The following LRRK2 variants were observed in gnomAD, a reference collection of about 807,000 sequenced individuals.
The protein encoded by LRRK2 is leucine rich repeat kinase 2.
In LRRK2, 203 loss-of-function variants were observed where a neutral mutation model predicts 302.6. That is an observed-to-expected ratio of 0.67 (90% CI 0.60 to 0.75). The LOEUF is 0.75. Ranked by LOEUF, LRRK2 falls within the 30% of genes least tolerant of loss-of-function variation. The probability of loss-of-function intolerance (pLI) is 0.00; values close to 1 mark genes in which losing one functional copy is unlikely to be tolerated. For missense variants in LRRK2, 2,830 were observed against 2,951.0 expected, an observed-to-expected ratio of 0.96 and a Z score of 0.95; for synonymous variants, 1,066 against 1,031.9, an observed-to-expected ratio of 1.03 and a Z score of -0.63.
chr12:40,354,564 A>T lies in LRRK2; in HGVS notation c.6770+72A>T, dbSNP rs1397266228. On this transcript the variant is annotated intron_variant, in intron 45 of 50. Transcript: ENST00000298910. The stretch of plus-strand genomic sequence containing the variant: ...CGACTGAATTGTGTGCATAATTGTT[A>T]TTGCATCAGCAAAGATTGTTCATTT... 6 of 1,316,202 alleles carry T rather than the reference A, an allele frequency of 4.6e-6. No individual in the cohort carries two copies. In the Admixed American group the frequency reaches 5.2e-5, roughly 11 times the overall value. The allele number at this position is 1,316,202 out of a possible 1,614,324, so 81.5% of individuals were successfully genotyped here. A position where few individuals can be genotyped will look rare whatever the true frequency, so the allele number is the denominator to read the frequency against.
intron 13 of LRRK2, among the ~76,000 whole-genome samples, chr12:40,261,735 A>C (rs1278029777): frequency 6.6e-6 from 1 of 152,134 alleles, no homozygotes; most frequent in Non-Finnish European, 1.5e-5. Flanking sequence ...GGTTCTTATG[A>C]GATACCTAGG....
At chr12:40,286,010 T>G (rs562392245) in intron 19 of LRRK2, among the ~76,000 whole-genome samples, 1 of 152,162 alleles carries the variant, frequency 6.6e-6, no homozygotes, top group South Asian at 2.1e-4. Context: ...GCCAAAAACC[T>G]GCTTACTTTA....
chr12:40,349,882 A>G (rs964920546), intron 43 of LRRK2, among the ~76,000 whole-genome samples: 1 of 152,194 alleles, frequency 6.6e-6, no homozygotes, highest in Non-Finnish European at 1.5e-5. Flanking sequence ...AAAGTTTTGT[A>G]ATGCTACATA....
Position 40,359,398 on chromosome 12 carries a change from A to G in LRRK2, c.6982A>G (p.Asn2328Asp), listed in dbSNP as rs1946636936. ...GCGTKIFSFSNDFTIQKLIET... is the reference protein window; with the variant it reads ...GCGTKIFSFSDDFTIQKLIET... Reference sequence around the variant, plus strand: ...TGGCACAAAGATTTTCTCCTTTTCTAATGATTTCACCATTCAGAAACTCAT... The same window carrying G: ...TGGCACAAAGATTTTCTCCTTTTCTGATGATTTCACCATTCAGAAACTCAT... The change falls in exon 47 of 51, where the codon AAT becomes GAT. Residue 2328 changes from asparagine (N) to aspartate (D), a missense_variant. By Grantham distance (23) the Asn-to-Asp change is conservative (BLOSUM62 1). Transcript: ENST00000298910. 1.2e-6 allele frequency: 2 copies of G among 1,613,294 alleles called. No individual in the cohort carries two copies. The highest frequency in any genetic ancestry group is 1.7e-6 in the Non-Finnish European group (2 of 1,179,602).
chr12:40,297,026 A>G (rs748224896), intron 23 of LRRK2, among the ~76,000 whole-genome samples: 1 of 151,938 alleles, frequency 6.6e-6, no homozygotes, highest in Admixed American at 6.6e-5. Context: ...CGGTCATCCA[A>G]TTTGATTTAA....
At chr12:40,231,587 A>G (rs1227165842) in intron 2 of LRRK2, among the ~76,000 whole-genome samples, 1 of 148,244 alleles carries the variant, frequency 6.7e-6, no homozygotes, top group Non-Finnish European at 1.5e-5. Context: ...AAAAAAAAAA[A>G]AAAAACAAGA....
chr12:40,268,443 C>T (rs1192229325), intron 14 of LRRK2, among the ~76,000 whole-genome samples: 3 of 152,002 alleles, frequency 2.0e-5, no homozygotes, highest in Non-Finnish European at 4.4e-5. Context: ...CAACAAATTA[C>T]ATATAAGTAA....
At chr12:40,243,019 A>G (rs1264676941) in intron 6 of LRRK2, among the ~76,000 whole-genome samples, 1 of 151,356 alleles carries the variant, frequency 6.6e-6, no homozygotes, top group East Asian at 1.9e-4. Context: ...TATTGTCCCT[A>G]TTTTACCAAC....
At chr12:40,355,059 A>G (rs1946484754) in intron 45 of LRRK2, among the ~76,000 whole-genome samples, 1 of 152,134 alleles carries the variant, frequency 6.6e-6, no homozygotes, top group South Asian at 2.1e-4. Flanking sequence ...TGACTGTAAT[A>G]TTTGGGGCAG....
intron 14 of LRRK2, among the ~76,000 whole-genome samples, chr12:40,265,482 T>C (rs1270818921): frequency 1.3e-5 from 2 of 152,312 alleles, no homozygotes; most frequent in African/African-American, 4.8e-5. Flanking sequence ...ACAGCGTAAA[T>C]TGGCACTAGG....
chr12:40,326,186 C>A (rs1945542105), intron 38 of LRRK2, among the ~76,000 whole-genome samples: 1 of 152,100 alleles, frequency 6.6e-6, no homozygotes, highest in African/African-American at 2.4e-5. Context: ...AAATCTCTGC[C>A]GGGCGCAGTG....
chr12:40,327,890 A>T lies in LRRK2; in HGVS notation c.5657-470A>T, dbSNP rs1263629724. Among the ~76,000 whole-genome samples, 4 of 152,208 alleles carry T rather than the reference A, an allele frequency of 2.6e-5. 1 individual carries two copies. The South Asian group carries it at 8.3e-4, about 31-fold the overall frequency. ...CAATTTTAACTCCAGAAGGGCCTCA[A>T]AAAGACTTTTTGTCTTGTTATCATC... On this transcript the variant is annotated intron_variant, in intron 38 of 50. Coordinates refer to ENST00000298910, the MANE Select transcript of LRRK2 (RefSeq NM_198578.4).
chr12:40,308,975 A>G (rs1944934697), intron 29 of LRRK2, 131 bp from the exon 30 acceptor site: 2 of 1,084,338 alleles, frequency 1.8e-6, no homozygotes, highest in South Asian at 3.0e-5. Context: ...TTCTCTAAAC[A>G]TGGTCTGTTG....
intron 38 of LRRK2, among the ~76,000 whole-genome samples, 163 bp from the exon 39 acceptor site, chr12:40,328,197 A>C (rs918570665): frequency 2.0e-5 from 3 of 152,330 alleles, no homozygotes; most frequent in African/African-American, 7.2e-5. Context: ...TCTTTCTTGG[A>C]GTAGAAGGAA....
chr12:40,328,375 G>C lies in LRRK2; in HGVS notation c.5672G>C (p.Gly1891Ala). The part of the protein sequence containing the change: ...PEFLLGDGSF[G>A]SVYRAAYEGE... ...TTTTCAAAAGGTGATGGCAGTTTTG[G>C]ATCAGTTTACCGAGCAGCCTATGAA... Residue 1891 changes from glycine to alanine, a missense_variant, in exon 39 of 51, where the codon GGA becomes GCA. Transcript: ENST00000298910. 1 of 1,613,638 alleles carries C rather than the reference G, an allele frequency of 6.2e-7. No homozygotes were observed. Among genetic ancestry groups the C allele is most frequent in the Non-Finnish European group, 8.5e-7 (1 of 1,179,748 alleles).
rs751140391 is a variant in LRRK2 at position 40,225,331 on chromosome 12, C to G, written c.151+49C>G. 3.1e-6 allele frequency: 5 copies of G among 1,602,182 alleles called. No individual in the cohort carries two copies. In the African/African-American group the frequency reaches 6.7e-5, roughly 22 times the overall value. On this transcript the variant is annotated intron_variant, in intron 1 of 50. Transcript: ENST00000298910. ...GCTTTTATTTTTGCAAACTTTCTCCCCCTCCTTACATTTGCAAATTTTGTC... is the reference window on the plus strand; with the variant it reads ...GCTTTTATTTTTGCAAACTTTCTCCGCCTCCTTACATTTGCAAATTTTGTC...
At chr12:40,244,046 C>A (rs1478906967) in intron 7 of LRRK2, among the ~76,000 whole-genome samples, 1 of 151,864 alleles carries the variant, frequency 6.6e-6, no homozygotes, top group Non-Finnish European at 1.5e-5. Flanking sequence ...ATAACATATA[C>A]AATATAAAGC....
chr12:40,303,819 C>A lies in LRRK2; in HGVS notation c.3591-129C>A, dbSNP rs72547974. The A allele has an allele frequency of 2.8e-4, 242 of 861,292 alleles. No homozygotes were observed. The Middle Eastern group carries it at 4.8e-3, about 17-fold the overall frequency. The allele number at this position is 861,292 out of a possible 1,614,324, so 53.4% of individuals were successfully genotyped here. ...TTCAGGCTCTCAAATCACATGCATACTCATATGTCAATAATGCTAGTTTTG... is the reference window on the plus strand; with the variant it reads ...TTCAGGCTCTCAAATCACATGCATAATCATATGTCAATAATGCTAGTTTTG... On this transcript the variant is annotated intron_variant, in intron 26 of 50. Transcript: ENST00000298910.
intron 28 of LRRK2, among the ~76,000 whole-genome samples, chr12:40,306,498 A>G (rs1220761157): frequency 1.3e-5 from 2 of 152,192 alleles, no homozygotes; most frequent in Admixed American, 1.3e-4. Flanking sequence ...CACTTTAAGC[A>G]CTTTAAATAT....
Sources: allele counts gnomAD v4.1 joint callset (sites outside exome capture counted in the v4.1 genomes callset), GRCh38; gene constraint gnomAD v4.1.1; transcripts MANE v1.5; gene names NCBI Gene and HGNC (gene_info 2026-07-23, HGNC 2026-07-21).